RYR2: variants seen among roughly 807,000 people sequenced by gnomAD.
RYR2 encodes ryanodine receptor 2, also known as cardiac muscle ryanodine receptor-calcium release channel.
A neutral mutation model predicts 601.1 loss-of-function variants in RYR2; 227 were observed. That is an observed-to-expected ratio of 0.38 (90% CI 0.34 to 0.42). The LOEUF (loss-of-function observed/expected upper bound fraction) is 0.42, where lower values mean the gene tolerates loss of function less well. Ranked by LOEUF, RYR2 falls within the 10% of genes least tolerant of loss-of-function variation. RYR2 has a pLI of 1.00. For synonymous variants in RYR2, 2,223 were observed against 2,175.1 expected (o/e 1.02, Z -0.61); for missense variants, 4,646 against 6,156.5 (o/e 0.75, Z 8.21).
intron 45 of RYR2, 46 bp downstream of exon 45, chr1:237,638,538 C>A: frequency 6.3e-7 from 1 of 1,589,194 alleles, no homozygotes; most frequent in Non-Finnish European, 8.6e-7. Flanking sequence ...ATTAAAACTG[C>A]ATAGAGATAT....
In RYR2 at chr1:237,651,424, T is replaced by C. The variant is rs1386036330; in HGVS notation, c.7747T>C (p.Ser2583Pro). Residue 2583 changes from serine (S) to proline (P), a missense_variant, in exon 51 of 105, where the codon TCT becomes CCT. This residue lies in a region of RYR2 where 1,497 missense variants were observed against 1,842.6 expected (regional missense o/e 0.81). Coordinates refer to ENST00000366574, the MANE Select transcript of RYR2 (RefSeq NM_001035.3). ...LLSICGQLRP[S>P]MMQHLLRRLV... is the part of the protein sequence containing the mutation. ...TTGTTCCAACAGACAACTGAGACCT[T>C]CTATGATGCAGCACTTACTCAGAAG... The C allele has an allele frequency of 6.3e-7, 1 of 1,594,808 alleles. No homozygotes were observed. The highest frequency in any genetic ancestry group is 8.6e-7 in the Non-Finnish European group (1 of 1,169,452).
chr1:237,401,802 T>A (rs751804579), intron 10 of RYR2, among the ~76,000 whole-genome samples: 2 of 152,188 alleles, frequency 1.3e-5, no homozygotes, highest in Non-Finnish European at 2.9e-5. Context: ...GTGGTTTATC[T>A]TTCCAGCATG....
intron 10 of RYR2, among the ~76,000 whole-genome samples, chr1:237,392,818 T>A (rs1702494529): frequency 1.3e-5 from 2 of 152,168 alleles, no homozygotes; most frequent in South Asian, 4.1e-4. Flanking sequence ...AAGCATTATT[T>A]ATGTTAAAAA....
intron 35 of RYR2, among the ~76,000 whole-genome samples, chr1:237,604,229 A>C (rs919262642): frequency 6.6e-6 from 1 of 152,216 alleles, no homozygotes; most frequent in Non-Finnish European, 1.5e-5. Flanking sequence ...TGTCTCTCAG[A>C]CCACAGTGCA....
At chr1:237,661,352 G>C (rs556063526) in intron 56 of RYR2, among the ~76,000 whole-genome samples, 20 of 152,184 alleles carry the variant, frequency 1.3e-4, no homozygotes, top group African/African-American at 3.6e-4. Context: ...GTCAGGGAGT[G>C]GGGGGCTAGG....
intron 27 of RYR2, among the ~76,000 whole-genome samples, chr1:237,561,224 T>C (rs1572878653): frequency 6.6e-6 from 1 of 152,212 alleles, no homozygotes; most frequent in Non-Finnish European, 1.5e-5. Context: ...ACCGAAGTTA[T>C]GTGAACAGTG....
intron 39 of RYR2, among the ~76,000 whole-genome samples, chr1:237,624,420 C>CTGG (rs1679425040): frequency 6.6e-6 from 1 of 152,128 alleles, no homozygotes; most frequent in Non-Finnish European, 1.5e-5. Context: ...ATGTCTGTTC[C>CTGG]TGGTGGTGGT....
Position 237,197,467 on chromosome 1 carries a change from A to AT in RYR2, c.49-73029dup, listed in dbSNP as rs1318176970. Reference sequence around the variant, plus strand: ...TTGTATATTTCTTAATTATGTAATCATGTAATATTCAGATATTGAGGCAAA... The same window carrying AT: ...TTGTATATTTCTTAATTATGTAATCATTGTAATATTCAGATATTGAGGCAAA... On this transcript the variant is annotated intron_variant, in intron 1 of 104. Coordinates refer to ENST00000366574, the MANE Select transcript of RYR2 (RefSeq NM_001035.3). 3.3e-5 allele frequency among the ~76,000 whole-genome samples: 5 copies of AT among 152,316 alleles called. No homozygotes were observed. In the East Asian group the frequency reaches 9.6e-4, roughly 29 times the overall value.
intron 51 of RYR2, among the ~76,000 whole-genome samples, chr1:237,654,012 A>T (rs1683007304): frequency 6.6e-6 from 1 of 152,086 alleles, no homozygotes; most frequent in Non-Finnish European, 1.5e-5. Context: ...CTCAAATGTT[A>T]ATCTCCTTTG....
chr1:237,386,305 G>GT (rs1370915664), intron 8 of RYR2, among the ~76,000 whole-genome samples: 1 of 152,166 alleles, frequency 6.6e-6, no homozygotes, highest in Non-Finnish European at 1.5e-5. Flanking sequence ...CTTGAGAATA[G>GT]TATCTTTATG....
Position 237,784,780 on chromosome 1 carries a change from C to T in RYR2, c.13068C>T (p.Ala4356=), listed in dbSNP as rs779932052. 11 of 1,606,564 alleles carry T rather than the reference C, an allele frequency of 6.8e-6. No individual in the cohort carries two copies. Among genetic ancestry groups the T allele is most frequent in the African/African-American group, 2.7e-5 (2 of 74,566 alleles). ...AGGGAGAGAGGAAACCCCTGGAAGC[C>T]GCCCTGCCCTCCGAGGATCTGACCG... ...GEEGERKPLE[A]ALPSEDLTDL... is the part of the protein sequence containing the mutation. The change falls in exon 90 of 105, where the codon GCC becomes GCT. Residue 4356 remains alanine, a synonymous_variant. Coordinates refer to ENST00000366574, the MANE Select transcript of RYR2 (RefSeq NM_001035.3). The surrounding 1 kb of genome is among the most constrained non-coding windows in gnomAD (Gnocchi z 7.1).
Position 237,788,829 on chromosome 1 carries a change from A to G in RYR2, c.13476+694A>G, listed in dbSNP as rs565220823. Among the ~76,000 whole-genome samples the G allele has an allele frequency of 2.6e-5, 4 of 152,212 alleles. No homozygotes were observed. The South Asian group carries it at 6.2e-4, about 24-fold the overall frequency. On this transcript the variant is annotated intron_variant, in intron 92 of 104. Coordinates refer to ENST00000366574, the MANE Select transcript of RYR2 (RefSeq NM_001035.3). ...GGTATAGCTCTCTCTATGTCTATTC[A>G]TATTTATCTTGAAATTCTTAAAAAT...
chr1:237,700,323 C>G lies in RYR2; in HGVS notation c.9223C>G (p.Leu3075Val). 2 of 1,596,606 alleles carry G rather than the reference C, an allele frequency of 1.3e-6. No homozygotes were observed. The highest frequency in any genetic ancestry group is 2.3e-5 in the South Asian group (2 of 88,040). ...AEDLEKTMEN[L>V]KQGQFTHTRN... is the part of the protein sequence containing the mutation. ...GGATCTGGAGAAGACCATGGAAAAC[C>G]TCAAGCAGGGCCAGTTCACTCACAC... Residue 3075 changes from leucine (L) to valine (V), a missense_variant, in exon 65 of 105, where the codon CTC (leucine) becomes GTC (valine). Coordinates refer to ENST00000366574, the MANE Select transcript of RYR2 (RefSeq NM_001035.3).
chr1:237,169,734 T>C (rs1191478189), intron 1 of RYR2, among the ~76,000 whole-genome samples: 1 of 152,244 alleles, frequency 6.6e-6, no homozygotes, highest in African/African-American at 2.4e-5. Context: ...GTAAGCAGAC[T>C]TGCTTGGCGC....
At chr1:237,467,831 C>T (rs1002940879) in intron 16 of RYR2, among the ~76,000 whole-genome samples, 1 of 150,860 alleles carries the variant, frequency 6.6e-6, no homozygotes, top group African/African-American at 2.4e-5. Flanking sequence ...ACTTCAAACG[C>T]TTGCATCAGC....
intron 1 of RYR2, among the ~76,000 whole-genome samples, chr1:237,097,034 A>C (rs1667572014): frequency 6.6e-6 from 1 of 152,220 alleles, no homozygotes; most frequent in South Asian, 2.1e-4. Context: ...CCTTACTGAA[A>C]TTGGGGTTGA....
chr1:237,633,778 G>T, intron 43 of RYR2, 68 bp downstream of exon 43: 1 of 1,461,906 alleles, frequency 6.8e-7, no homozygotes, highest in East Asian at 2.5e-5. Flanking sequence ...AAAAGCAAAC[G>T]TTTTGTTAAA....
At chr1:237,654,526 A>G in intron 52 of RYR2, 112 bp downstream of exon 52, 1 of 1,028,768 alleles carries the variant, frequency 9.7e-7, no homozygotes, top group Non-Finnish European at 1.4e-6. Flanking sequence ...CAAGACACGT[A>G]TGGCTTGATT....
chr1:237,294,398 G>A (rs1692540359), intron 2 of RYR2, among the ~76,000 whole-genome samples: 1 of 151,742 alleles, frequency 6.6e-6, no homozygotes, highest in South Asian at 2.1e-4. Flanking sequence ...AAATTGATTT[G>A]CTATCCTGAT....
Sources: allele counts gnomAD v4.1 joint callset (sites outside exome capture counted in the v4.1 genomes callset), GRCh38; gene constraint gnomAD v4.1.1; regional missense constraint gnomAD v4.1.1; non-coding constraint Gnocchi (gnomAD v3.1); transcripts MANE v1.5; gene names NCBI Gene and HGNC (gene_info 2026-07-23, HGNC 2026-07-21).